Variants in DHRS2 observed in about 807,000 individuals in gnomAD.
DHRS2 encodes dehydrogenase/reductase 2, also known as dehydrogenase/reductase SDR family member 2, mitochondrial.
DHRS2 carries 29 observed loss-of-function variants against 26.3 expected under a neutral mutation model. The ratio of observed to expected loss-of-function variants is 1.10; its 90% CI spans 0.82 to 1.50. The LOEUF is 1.50. Among genes scored for constraint, DHRS2 ranks in the 40% most tolerant of loss-of-function variants. The pLI is 0.00. For synonymous variants in DHRS2, 164 were observed against 151.3 expected (o/e 1.08, Z -0.62); for missense variants, 439 against 367.1 (o/e 1.20, Z -1.60).
At chr14:23,635,764 C>T (rs1050188579), upstream of DHRS2, among the ~76,000 whole-genome samples, 3 of 152,228 alleles carry the variant, frequency 2.0e-5, no homozygotes, top group Non-Finnish European at 2.9e-5. Context: ...TGGCCAAGGC[C>T]GAAGCCAGCT....
At chr14:23,642,955 G>A in intron 4 of DHRS2, 197 bp from the exon 5 acceptor site, 1 of 582,214 alleles carries the variant, frequency 1.7e-6, no homozygotes, top group Non-Finnish European at 3.1e-6. Context: ...ACAGGCCTGT[G>A]ACTTAGCCTG....
chr14:23,643,445 C>G (rs931773365), intron 5 of DHRS2: 1 of 542,034 alleles, frequency 1.8e-6, no homozygotes, highest in Non-Finnish European at 3.3e-6. Context: ...GCCTCCTTGG[C>G]CTTGACATCA....
At chr14:23,639,767 C>A in intron 3 of DHRS2, 27 bp from the exon 4 acceptor site, 1 of 1,586,624 alleles carries the variant, frequency 6.3e-7, no homozygotes, top group East Asian at 2.3e-5. Context: ...AGGCCATCTC[C>A]ACACTCATCC....
chr14:23,636,359 G>T (rs954287635), upstream of DHRS2: 1 of 152,142 alleles, frequency 6.6e-6, no homozygotes, highest in Non-Finnish European at 1.5e-5. Context: ...GCCTGAGCCG[G>T]CAGCAGCAAC....
intron 1 of DHRS2, among the ~76,000 whole-genome samples, chr14:23,637,171 C>T (rs1890349127): frequency 6.6e-6 from 1 of 152,168 alleles, no homozygotes; most frequent in African/African-American, 2.4e-5. Flanking sequence ...CTAATGCCTG[C>T]CAGACAAACT....
At chr14:23,633,721 A>C (rs539785162), upstream of DHRS2, among the ~76,000 whole-genome samples, 3 of 152,186 alleles carry the variant, frequency 2.0e-5, no homozygotes, top group Non-Finnish European at 4.4e-5. Context: ...CCCTCTGTGA[A>C]CTGAATGTTT....
At chr14:23,643,642 G>A (rs1410932961) in intron 5 of DHRS2, 4 of 268,874 alleles carry the variant, frequency 1.5e-5, no homozygotes, top group South Asian at 5.3e-5. Context: ...CCCTGCCTGT[G>A]TTCCAGGTCC....
chr14:23,637,392 C>T (rs1385263813), intron 1 of DHRS2, among the ~76,000 whole-genome samples: 1 of 152,096 alleles, frequency 6.6e-6, no homozygotes, highest in Non-Finnish European at 1.5e-5. Context: ...TTTTAGAATC[C>T]CTCCTCAGAT....
At chr14:23,632,803 C>T (rs1401740398), upstream of DHRS2, among the ~76,000 whole-genome samples, 1 of 152,202 alleles carries the variant, frequency 6.6e-6, no homozygotes, top group African/African-American at 2.4e-5. Context: ...AGGCCAGAGC[C>T]TCCTGCAAGT....
At chr14:23,644,207 G>A (rs1264368905) in intron 6 of DHRS2, 45 bp downstream of exon 6, 4 of 1,605,878 alleles carry the variant, frequency 2.5e-6, no homozygotes, top group African/African-American at 1.3e-5. Flanking sequence ...AGGGTGAGGG[G>A]CAACTTTGTT....
At chr14:23,635,684 A>G (rs2138362519), upstream of DHRS2, among the ~76,000 whole-genome samples, 1 of 152,366 alleles carries the variant, frequency 6.6e-6, no homozygotes, top group Admixed American at 6.5e-5. Context: ...CTCGTCCTCC[A>G]CATCCACTCT....
At chr14:23,645,048 C>T (rs1890820959) in intron 8 of DHRS2, 94 bp from the exon 9 acceptor site, 3 of 1,590,504 alleles carry the variant, frequency 1.9e-6, no homozygotes, top group South Asian at 1.1e-5. Flanking sequence ...CCACCTTGTT[C>T]CCCATGGAGC....
chr14:23,634,058 T>TC, upstream of DHRS2, among the ~76,000 whole-genome samples: 1 of 113,388 alleles, frequency 8.8e-6, no homozygotes, highest in Non-Finnish European at 1.8e-5. Flanking sequence ...GTTTGCCCCT[T>TC]CTTTTTTTTT....
chr14:23,639,270 G>A lies in DHRS2; in HGVS notation c.232G>A (p.Ala78Thr), dbSNP rs140244120. The A allele has an allele frequency of 4.2e-5, 67 of 1,611,808 alleles. No individual in the cohort carries two copies. Among genetic ancestry groups the A allele is most frequent in the Non-Finnish European group, 5.6e-5 (66 of 1,178,934 alleles). The stretch of plus-strand genomic sequence containing the variant: ...GCAGCAGAACGTGGACCGGGCCATG[G>A]CCAAGCTGCAGGGGGAGGGGCTGAG... ...RKQQNVDRAM[A>T]KLQGEGLSVA... Residue 78 changes from alanine to threonine, a missense_variant, in exon 3 of 9, where the codon GCC becomes ACC. Transcript: ENST00000250383.
At chr14:23,639,924 G>A in intron 4 of DHRS2, 29 bp downstream of exon 4, 1 of 1,532,336 alleles carries the variant, frequency 6.5e-7, no homozygotes, top group Non-Finnish European at 8.8e-7. Flanking sequence ...GGAGGCGGCT[G>A]AGGGCCCGAT....
chr14:23,639,366 C>G lies in DHRS2; in HGVS notation c.318+10C>G. ...GCAGCTGGTGGCCAAGGTGAGGGGG[C>G]AGGCGGTGGAAGGACACAGAGAGGG... On this transcript the variant is annotated intron_variant, in intron 3 of 8. Coordinates refer to ENST00000250383, the MANE Select transcript of DHRS2 (RefSeq NM_005794.4). The G allele has an allele frequency of 6.4e-7, 1 of 1,557,660 alleles. No homozygotes were observed. The highest frequency in any genetic ancestry group is 1.9e-5 in the Admixed American group (1 of 51,542).
At chr14:23,641,967 G>GCC in intron 4 of DHRS2, 1 of 1,139,960 alleles carries the variant, frequency 8.8e-7, no homozygotes, top group Non-Finnish European at 1.1e-6. Flanking sequence ...ACCTGGCACT[G>GCC]CCCTAGCTCC....
chr14:23,645,196 T>G lies in DHRS2; in HGVS notation c.786T>G (p.Asp262Glu). ...AGIVSFLCSP[D>E]ASYVNGENIA... ...TCGTGTCCTTCCTGTGCTCTCCAGA[T>G]GCCAGCTACGTCAACGGGGAGAACA... Residue 262 changes from aspartate to glutamate, a missense_variant, in exon 9 of 9, where the codon GAT becomes GAG. By Grantham distance (45) the Asp-to-Glu change is conservative. Transcript: ENST00000250383. The G allele has an allele frequency of 6.2e-7, 1 of 1,614,184 alleles. No individual in the cohort carries two copies. Among genetic ancestry groups the G allele is most frequent in the South Asian group, 1.1e-5 (1 of 91,086 alleles).
rs150935741 is a variant in DHRS2, at chr14:23,638,952, A to G, written c.88A>G (p.Arg30Gly). The G allele has an allele frequency of 6.5e-4, 1,057 of 1,614,086 alleles. 5 individuals are homozygous for G. The African/African-American group carries it at 0.013, about 20-fold the overall frequency. The change falls in exon 2 of 9, where the codon AGG (arginine) becomes GGG (glycine). Residue 30 changes from arginine (R) to glycine (G), a missense_variant. By Grantham distance (125) the Arg-to-Gly change is moderately radical. Transcript: ENST00000250383. ...GAGGATGAGCAGCACCGGGATAGACAGGAAGGGCGTCCTGGCTAACCGGGT... is the reference window on the plus strand; with the variant it reads ...GAGGATGAGCAGCACCGGGATAGACGGGAAGGGCGTCCTGGCTAACCGGGT... ...SVRMSSTGID[R>G]KGVLANRVAV...
Sources: gnomAD v4.1 joint callset for allele counts (sites outside exome capture counted in the v4.1 genomes callset) on GRCh38, gnomAD v4.1.1 for gene constraint, MANE v1.5 for transcripts, NCBI Gene and HGNC (gene_info 2026-07-23, HGNC 2026-07-21) for gene names.